The following ANHX variants were observed in gnomAD, a reference collection of about 807,000 sequenced individuals.
ANHX encodes the protein anomalous homeobox protein.
In ANHX, 20 loss-of-function variants were observed where a neutral mutation model predicts 38.9. That is an observed-to-expected ratio of 0.51 (90% CI 0.36 to 0.75). ANHX has a LOEUF of 0.75. Ranked by LOEUF, ANHX falls within the 30% of genes least tolerant of loss-of-function variation. The pLI, the probability that ANHX is intolerant of heterozygous loss-of-function variation, is 0.00. For synonymous variants in ANHX, 185 were observed against 203.1 expected, an observed-to-expected ratio of 0.91 and a Z score of 0.76; for missense variants, 475 against 493.1, an observed-to-expected ratio of 0.96 and a Z score of 0.35.
rs1957112148 is a variant in ANHX at position 133,221,839 on chromosome 12, G to GT, written c.1133-488dup. Among the ~76,000 whole-genome samples the GT allele has an allele frequency of 6.6e-6, 1 of 152,100 alleles. No individual in the cohort carries two copies. Among genetic ancestry groups the GT allele is most frequent in the African/African-American group, 2.4e-5 (1 of 41,402 alleles). On this transcript the variant is annotated intron_variant, in intron 7 of 9. Coordinates refer to ENST00000545940, the MANE Select transcript of ANHX (RefSeq NM_001372060.1). This position sits in a 1 kb window ranked among gnomAD's most constrained non-coding sequence, Gnocchi z 4.1. ...TCCCCTCCCTTTGACTTTCCAGAGC[G>GT]TATCTCAGAACATCTCTCACTCTTA...
Position 133,218,969 on chromosome 12 carries a change from C to T in ANHX, c.1368G>A (p.Val456=). ...CAGAGGCCTGGCTATCAGAACACTG[C>T]ACCTGGAAGACAACACAGTGGTAAA... is the stretch of plus-strand genomic sequence containing the variant. ...ELSQALPSSQ[V]QCSDSQASGD... is the part of the protein sequence containing the mutation. Residue 456 remains valine (V), a splice_region_variant and synonymous_variant, in exon 10 of 10, where the codon GTG becomes GTA. Transcript: ENST00000545940. The T allele has an allele frequency of 1.3e-6, 2 of 1,533,594 alleles. No homozygotes were observed. The highest frequency in any genetic ancestry group is 1.7e-6 in the Non-Finnish European group (2 of 1,145,140). The allele number at this position is 1,533,594 out of a possible 1,614,324, so 95.0% of individuals were successfully genotyped here. A position where few individuals can be genotyped will look rare whatever the true frequency, so the allele number is the denominator to read the frequency against.
intron 2 of ANHX, among the ~76,000 whole-genome samples, chr12:133,232,479 C>A (rs138299579): frequency 6.6e-6 from 1 of 152,162 alleles, no homozygotes; most frequent in Non-Finnish European, 1.5e-5. Flanking sequence ...TCAGAGCCGA[C>A]GGCTCTGTGC....
intron 7 of ANHX, among the ~76,000 whole-genome samples, chr12:133,224,977 A>AC (rs960026379): frequency 8.4e-6 from 1 of 119,636 alleles, no homozygotes; most frequent in Admixed American, 7.3e-5. Flanking sequence ...AAAAAAAAAA[A>AC]CAAAAACAAA....
chr12:133,219,524 G>GTGTT (rs1376068154), intron 8 of ANHX, among the ~76,000 whole-genome samples, 157 bp from the exon 9 acceptor site: 2 of 152,212 alleles, frequency 1.3e-5, no homozygotes, highest in Non-Finnish European at 2.9e-5. Flanking sequence ...CGTATGTAGG[G>GTGTT]TGTTAGGAGG....
chr12:133,228,627 C>T (rs1204268401), intron 3 of ANHX, among the ~76,000 whole-genome samples: 2 of 152,270 alleles, frequency 1.3e-5, no homozygotes, highest in East Asian at 3.9e-4. Flanking sequence ...CCACCTGTGC[C>T]CCCAGCAAAC....
chr12:133,221,839 G>T lies in ANHX; in HGVS notation c.1133-487C>A, dbSNP rs1464195004. On this transcript the variant is annotated intron_variant, in intron 7 of 9. Coordinates refer to ENST00000545940, the MANE Select transcript of ANHX (RefSeq NM_001372060.1). This position sits in a 1 kb window ranked among gnomAD's most constrained non-coding sequence, Gnocchi z 4.1. ...TCCCCTCCCTTTGACTTTCCAGAGCGTATCTCAGAACATCTCTCACTCTTA... is the reference window on the plus strand; with the variant it reads ...TCCCCTCCCTTTGACTTTCCAGAGCTTATCTCAGAACATCTCTCACTCTTA... 6.6e-6 allele frequency among the ~76,000 whole-genome samples: 1 copy of T among 152,100 alleles called. No individual in the cohort carries two copies. The highest frequency in any genetic ancestry group is 1.5e-5 in the Non-Finnish European group (1 of 68,022).
rs557863440 is a variant in ANHX, at chr12:133,225,813, G to A, written c.855C>T (p.Gly285=). ...GGCCAGGCCCCTCCTGGTACATCTCGCCACCTGGCAGAGACCTGGGGGACA... is the reference window on the plus strand; with the variant it reads ...GGCCAGGCCCCTCCTGGTACATCTCACCACCTGGCAGAGACCTGGGGGACA... The part of the protein sequence containing the change: ...KPLDVRSLPG[G]EMYQEGPGHD... Residue 285 remains glycine, a synonymous_variant, in exon 7 of 10, where the codon GGC becomes GGT. Transcript: ENST00000545940. Among the ~76,000 whole-genome samples, 13 of 152,210 alleles carry A rather than the reference G, an allele frequency of 8.5e-5. No individual in the cohort carries two copies. The highest frequency in any genetic ancestry group is 3.4e-3 in the Middle Eastern group (1 of 294).
Position 133,218,688 on chromosome 12 carries a change from T to G in ANHX, c.*197A>C, listed in dbSNP as rs1014328980. 2 of 443,030 alleles carry G rather than the reference T, an allele frequency of 4.5e-6. No homozygotes were observed. The allele number at this position is 443,030 out of a possible 1,614,324, so 27.4% of individuals were successfully genotyped here. On this transcript the variant is annotated 3_prime_UTR_variant, in exon 10 of 10. Transcript: ENST00000545940. The stretch of plus-strand genomic sequence containing the variant: ...TCACGAACATTTCTCAAATGCTTTC[T>G]CTACTACAGGGAATTGCTAACCAAA...
In ANHX at chr12:133,226,933, C is replaced by T. The variant is rs1957197199; in HGVS notation, c.718+3G>A. On this transcript the variant is annotated splice_donor_region_variant and intron_variant, in intron 5 of 9. Transcript: ENST00000545940. Reference sequence around the variant, plus strand: ...AGGAGACTGGGGCCCTCAGGCCACTCACCTGACCACTGAGGCCTGTCCACA... The same window carrying T: ...AGGAGACTGGGGCCCTCAGGCCACTTACCTGACCACTGAGGCCTGTCCACA... The T allele has an allele frequency of 1.3e-6, 2 of 1,518,028 alleles. No homozygotes were observed. Among genetic ancestry groups the T allele is most frequent in the Non-Finnish European group, 1.8e-6 (2 of 1,137,150 alleles). 94.0% of individuals were successfully genotyped at this position (1,518,028 alleles called of 1,614,324 possible).
At chr12:133,230,908 T>C (rs531483701) in intron 3 of ANHX, among the ~76,000 whole-genome samples, 2 of 152,168 alleles carry the variant, frequency 1.3e-5, no homozygotes, top group Admixed American at 1.3e-4. Context: ...TAAAAATTAC[T>C]AGTAACATTT....
chr12:133,234,040 G>T, intron 2 of ANHX, 68 bp downstream of exon 2: 2 of 1,497,834 alleles, frequency 1.3e-6, no homozygotes. Flanking sequence ...CAGTGCCGGA[G>T]ATGGGTGGAG....
At chr12:133,230,125 T>C (rs916512229) in intron 3 of ANHX, among the ~76,000 whole-genome samples, 1 of 152,248 alleles carries the variant, frequency 6.6e-6, no homozygotes, top group Non-Finnish European at 1.5e-5. Context: ...TACTTTATTT[T>C]CTTGTCTGTT....
At position 133,226,822 on chromosome 12, in the gene ANHX, AACCTACTGATTGGAGGAGGGCT is replaced by A. The variant is rs1448615470; in HGVS notation, c.718+92_718+113del. The A allele has an allele frequency of 4.8e-6, 5 of 1,033,810 alleles. No homozygotes were observed. The Admixed American group carries it at 8.9e-5, about 18-fold the overall frequency. 64.0% of individuals were successfully genotyped at this position (1,033,810 alleles called of 1,614,324 possible). Reference sequence around the variant, plus strand: ...CTTGCTCCCACAGAGTGACACCTGGAACCTACTGATTGGAGGAGGGCTACCCCTGTAAGCAGTGTGACTACCT... The same window carrying A: ...CTTGCTCCCACAGAGTGACACCTGGAACCCCTGTAAGCAGTGTGACTACCT... On this transcript the variant is annotated intron_variant, in intron 5 of 9. Transcript: ENST00000545940.
rs150209765 is a variant in ANHX, at chr12:133,218,628, C to T, written c.*257G>A. ...CCGGAGCCCGACTGATCCAGTGCTG[C>T]GTGAGTGGGACAGACCCACCTTTGA... On this transcript the variant is annotated 3_prime_UTR_variant, in exon 10 of 10. Transcript: ENST00000545940. The T allele has an allele frequency of 3.1e-4, 100 of 326,532 alleles. No individual in the cohort carries two copies. The East Asian group carries it at 4.6e-3, about 15-fold the overall frequency. The allele number at this position is 326,532 out of a possible 1,614,324, so 20.2% of individuals were successfully genotyped here. A position where few individuals can be genotyped will look rare whatever the true frequency, so the allele number is the denominator to read the frequency against.
At chr12:133,224,344 G>A (rs1029725653) in intron 7 of ANHX, among the ~76,000 whole-genome samples, 8 of 152,180 alleles carry the variant, frequency 5.3e-5, no homozygotes. Flanking sequence ...GAGAAAAGAT[G>A]TATATACCCA....
chr12:133,224,975 A>AC (rs1566404941), intron 7 of ANHX, among the ~76,000 whole-genome samples: 1 of 150,946 alleles, frequency 6.6e-6, no homozygotes. Context: ...AAAAAAAAAA[A>AC]AACAAAAACA....
chr12:133,234,021 G>A (rs901398129), intron 2 of ANHX, 87 bp downstream of exon 2: 5 of 1,469,482 alleles, frequency 3.4e-6, no homozygotes, highest in Admixed American at 4.3e-5. Flanking sequence ...TAACTCCTGG[G>A]TACTGCTGCA....
chr12:133,231,623 T>G lies in ANHX; in HGVS notation c.271A>C (p.Ser91Arg), dbSNP rs1031648792. 6.5e-7 allele frequency: 1 copy of G among 1,535,936 alleles called. No homozygotes were observed. The highest frequency in any genetic ancestry group is 1.4e-5 in the African/African-American group (1 of 73,044). Reference sequence around the variant, plus strand: ...TTCCAGAGCTGCACTAACTCCTGGCTGCCTCCCGGCACCTGGCACCCCTGC... The same window carrying G: ...TTCCAGAGCTGCACTAACTCCTGGCGGCCTCCCGGCACCTGGCACCCCTGC... ...LLEGCQVPGG[S>R]QELVQLWNDI... The change falls in exon 3 of 10, where the codon AGC (serine) becomes CGC (arginine). Residue 91 changes from serine (S) to arginine (R), a missense_variant. Transcript: ENST00000545940.
rs964301945 is a variant in ANHX, at chr12:133,223,849, C to T, written c.1132+1687G>A. ...GAAATTTCAGAACTTTAAGACCCACCCCCCCAAAAAATAAGAAAAAAAGAA... is the reference window on the plus strand; with the variant it reads ...GAAATTTCAGAACTTTAAGACCCACTCCCCCAAAAAATAAGAAAAAAAGAA... On this transcript the variant is annotated intron_variant, in intron 7 of 9. Coordinates refer to ENST00000545940, the MANE Select transcript of ANHX (RefSeq NM_001372060.1). Among the ~76,000 whole-genome samples the T allele has an allele frequency of 2.0e-5, 3 of 151,682 alleles. No individual in the cohort carries two copies. The East Asian group carries it at 5.8e-4, about 29-fold the overall frequency.
Sources: gnomAD v4.1 joint callset for allele counts (sites outside exome capture counted in the v4.1 genomes callset) on GRCh38, gnomAD v4.1.1 for gene constraint, Gnocchi (gnomAD v3.1) non-coding constraint, MANE v1.5 for transcripts, NCBI Gene and HGNC (gene_info 2026-07-23, HGNC 2026-07-21) for gene names.